ARHGAP42: variants seen among roughly 807,000 people sequenced by gnomAD.
The protein encoded by ARHGAP42 is Rho GTPase activating protein 42.
ARHGAP42 carries 63 observed loss-of-function variants against 125.0 expected under a neutral mutation model. The observed-to-expected ratio is 0.50, with a 90% CI of 0.41 to 0.62. The LOEUF (loss-of-function observed/expected upper bound fraction) is 0.62. Among genes scored for constraint, ARHGAP42 ranks in the 20% least tolerant of loss-of-function variants. The pLI is 0.00. For missense variants in ARHGAP42, 766 were observed against 1,024.2 expected, an observed-to-expected ratio of 0.75 and a Z score of 3.44; for synonymous variants, 339 against 351.0, an observed-to-expected ratio of 0.97 and a Z score of 0.38.
At chr11:100,715,677 C>T (rs1591123884) in intron 1 of ARHGAP42, among the ~76,000 whole-genome samples, 1 of 152,266 alleles carries the variant, frequency 6.6e-6, no homozygotes, top group South Asian at 2.1e-4. Flanking sequence ...GAGTCCTCCT[C>T]TGAGAGTGAT....
At chr11:100,770,826 G>A (rs187969115) in intron 2 of ARHGAP42, among the ~76,000 whole-genome samples, 1 of 152,170 alleles carries the variant, frequency 6.6e-6, no homozygotes, top group African/African-American at 2.4e-5. Flanking sequence ...TGATCCACCC[G>A]CCTCGACCTC....
chr11:100,964,860 G>A (rs1858049999), intron 16 of ARHGAP42, among the ~76,000 whole-genome samples: 1 of 152,132 alleles, frequency 6.6e-6, no homozygotes, highest in Non-Finnish European at 1.5e-5. Flanking sequence ...ATAAGGAGAG[G>A]AATCTGGGGC....
intron 17 of ARHGAP42, among the ~76,000 whole-genome samples, chr11:100,966,377 G>A (rs1401190271): frequency 6.6e-6 from 1 of 152,172 alleles, no homozygotes; most frequent in Non-Finnish European, 1.5e-5. Flanking sequence ...TTGATTTTAA[G>A]GAATTGGTTC....
intron 3 of ARHGAP42, among the ~76,000 whole-genome samples, chr11:100,859,110 G>A (rs662501): frequency 0.7 from 106,695 of 151,822 alleles, 37,594 homozygotes; most frequent in Admixed American, 0.74. Context: ...TAAATAGGGG[G>A]AAAAATAAGC....
At chr11:100,714,073 A>C (rs940867575) in intron 1 of ARHGAP42, among the ~76,000 whole-genome samples, 1 of 152,196 alleles carries the variant, frequency 6.6e-6, no homozygotes, top group Non-Finnish European at 1.5e-5. Flanking sequence ...GTAATATGGT[A>C]TCAGTATCCT....
chr11:100,716,188 A>T lies in ARHGAP42; in HGVS notation c.154+28356A>T, dbSNP rs1025873880. Among the ~76,000 whole-genome samples, 7 of 152,264 alleles carry T rather than the reference A, an allele frequency of 4.6e-5. No homozygotes were observed. In the South Asian group the frequency reaches 1.5e-3, roughly 32 times the overall value. ...TCATGGGGACTTTTGCCTATCCTAT[A>T]TTTGATTCACTGTGGTTTCTGCCCC... On this transcript the variant is annotated intron_variant, in intron 1 of 23. Coordinates refer to ENST00000298815, the MANE Select transcript of ARHGAP42 (RefSeq NM_152432.4).
At position 100,992,620 on chromosome 11, in the gene ARHGAP42, T is replaced by G. The variant is rs1858868427; in HGVS notation, c.*3819T>G. ...TGAACACATTCACTGTATCCCTCAT[T>G]GTCACCGTTATCCCCCTGCTTCAAA... is the stretch of plus-strand genomic sequence containing the variant. On this transcript the variant is annotated 3_prime_UTR_variant, in exon 24 of 24. Coordinates refer to ENST00000298815, the MANE Select transcript of ARHGAP42 (RefSeq NM_152432.4). 1 of 1,613,850 alleles carries G rather than the reference T, an allele frequency of 6.2e-7. No homozygotes were observed. The highest frequency in any genetic ancestry group is 1.3e-5 in the African/African-American group (1 of 74,926).
intron 3 of ARHGAP42, among the ~76,000 whole-genome samples, chr11:100,826,782 T>A (rs1322537867): frequency 6.6e-5 from 10 of 152,122 alleles, no homozygotes; most frequent in African/African-American, 2.4e-4. Context: ...CTCTCTGGGG[T>A]ATGTAATTCT....
intron 4 of ARHGAP42, among the ~76,000 whole-genome samples, chr11:100,899,569 T>C (rs1397437425): frequency 6.6e-6 from 1 of 152,206 alleles, no homozygotes; most frequent in Non-Finnish European, 1.5e-5. Flanking sequence ...ACTCTTCTTG[T>C]TGAATTGATC....
chr11:100,851,387 A>G (rs1209310929), intron 3 of ARHGAP42, among the ~76,000 whole-genome samples: 1 of 152,214 alleles, frequency 6.6e-6, no homozygotes, highest in African/African-American at 2.4e-5. Flanking sequence ...TGATCCCATA[A>G]GATTATAATG....
At chr11:100,776,036 G>A (rs1247326452) in intron 2 of ARHGAP42, among the ~76,000 whole-genome samples, 2 of 152,036 alleles carry the variant, frequency 1.3e-5, no homozygotes, top group Non-Finnish European at 2.9e-5. Flanking sequence ...GTGAATGCCT[G>A]TAATCCCAGC....
At chr11:100,765,604 A>G (rs531654437) in intron 1 of ARHGAP42, among the ~76,000 whole-genome samples, 243 of 152,344 alleles carry the variant, frequency 1.6e-3, no homozygotes, top group Non-Finnish European at 2.3e-3. Context: ...AATCTCTGTC[A>G]GAGAATTTAT....
At chr11:100,806,085 A>G (rs1392909244) in intron 3 of ARHGAP42, among the ~76,000 whole-genome samples, 1 of 152,166 alleles carries the variant, frequency 6.6e-6, no homozygotes, top group Non-Finnish European at 1.5e-5. Context: ...GCCTCTGATA[A>G]TACTTAGTCA....
intron 3 of ARHGAP42, among the ~76,000 whole-genome samples, chr11:100,836,387 C>T (rs917910748): frequency 1.3e-5 from 2 of 151,968 alleles, no homozygotes; most frequent in Non-Finnish European, 2.9e-5. Flanking sequence ...CAAAATTTTC[C>T]ATCATGAACA....
At chr11:100,837,741 G>A (rs1278051994) in intron 3 of ARHGAP42, among the ~76,000 whole-genome samples, 1 of 130,912 alleles carries the variant, frequency 7.6e-6, no homozygotes, top group Non-Finnish European at 1.6e-5. Context: ...TCAGGTGCAC[G>A]ATGAGAATGG....
intron 22 of ARHGAP42, 46 bp downstream of exon 22, chr11:100,979,095 A>T: frequency 6.5e-7 from 1 of 1,534,970 alleles, no homozygotes; most frequent in Non-Finnish European, 8.8e-7. Context: ...AAGTGGTGAC[A>T]TTGTTGCTTT....
intron 6 of ARHGAP42, among the ~76,000 whole-genome samples, chr11:100,924,391 G>A (rs1007662969): frequency 2.6e-5 from 4 of 151,936 alleles, no homozygotes; most frequent in African/African-American, 9.7e-5. Context: ...TTCTGGCTGG[G>A]CACAGTGGCT....
At chr11:100,850,567 C>CA (rs754955168) in intron 3 of ARHGAP42, among the ~76,000 whole-genome samples, 6 of 151,992 alleles carry the variant, frequency 3.9e-5, no homozygotes, top group Non-Finnish European at 8.8e-5. Flanking sequence ...TGTATTTATT[C>CA]AAAAAACACC....
intron 3 of ARHGAP42, among the ~76,000 whole-genome samples, chr11:100,852,140 T>G (rs1389962220): frequency 6.6e-6 from 1 of 152,192 alleles, no homozygotes; most frequent in Non-Finnish European, 1.5e-5. Context: ...TCTTCTCTCC[T>G]GTCCTCCTCT....
Sources: allele counts gnomAD v4.1 joint callset (sites outside exome capture counted in the v4.1 genomes callset), GRCh38; gene constraint gnomAD v4.1.1; transcripts MANE v1.5; gene names NCBI Gene and HGNC (gene_info 2026-07-23, HGNC 2026-07-21).